The following PSMG4 variants were observed in gnomAD, a reference collection of about 807,000 sequenced individuals.
PSMG4 encodes proteasome (prosome, macropain) assembly chaperone 4.
Under a neutral mutation model 11.0 loss-of-function variants are expected in PSMG4, and 10 were observed. That is an observed-to-expected ratio of 0.91 (90% CI 0.56 to 1.54). The LOEUF is 1.54. Among genes scored for constraint, PSMG4 ranks in the 40% most tolerant of loss-of-function variants. The probability of loss-of-function intolerance (pLI) is 0.00; values close to 1 mark genes in which losing one functional copy is unlikely to be tolerated. For synonymous variants in PSMG4, 95 were observed against 71.3 expected, an observed-to-expected ratio of 1.33 and a Z score of -1.68; for missense variants, 198 against 160.9, an observed-to-expected ratio of 1.23 and a Z score of -1.25.
At chr6:3,254,589 G>A (rs756115680), upstream of PSMG4, among the ~76,000 whole-genome samples, 15 of 152,176 alleles carry the variant, frequency 9.9e-5, no homozygotes, top group Non-Finnish European at 1.6e-4. Context: ...CCCAACGATG[G>A]AAGTAAATAA....
chr6:3,256,721 T>C (rs555135821), upstream of PSMG4, among the ~76,000 whole-genome samples: 5 of 152,372 alleles, frequency 3.3e-5, no homozygotes, highest in South Asian at 1.0e-3. Context: ...CTGGGCACTC[T>C]GGAGCCAAAA....
At chr6:3,263,936 C>A in intron 2 of PSMG4, 177 bp downstream of exon 2, 2 of 1,404,396 alleles carry the variant, frequency 1.4e-6, no homozygotes, top group Non-Finnish European at 9.4e-7. Flanking sequence ...ACATTCCATG[C>A]TCGCCTGTCA....
upstream of PSMG4, among the ~76,000 whole-genome samples, chr6:3,254,871 C>T (rs373227297): frequency 3.3e-5 from 5 of 152,088 alleles, no homozygotes; most frequent in Admixed American, 1.3e-4. Flanking sequence ...ACATGAGATG[C>T]TGGAGGGTGA....
chr6:3,255,009 T>G (rs1031215542), upstream of PSMG4: 6 of 1,543,324 alleles, frequency 3.9e-6, no homozygotes, highest in Non-Finnish European at 4.4e-6. Context: ...CACTCCCATG[T>G]GGGAGCGCTG....
At chr6:3,256,922 C>T (rs532031995), upstream of PSMG4, among the ~76,000 whole-genome samples, 1 of 149,888 alleles carries the variant, frequency 6.7e-6, no homozygotes, top group Non-Finnish European at 1.5e-5. Flanking sequence ...GTGGCACATG[C>T]AGGCTCTTTG....
upstream of PSMG4, among the ~76,000 whole-genome samples, chr6:3,254,596 A>G (rs114585009): frequency 0.011 from 1,688 of 152,232 alleles, 15 homozygotes; most frequent in Non-Finnish European, 0.015. Context: ...ATGGAAGTAA[A>G]TAATTCCAGT....
At chr6:3,256,810 T>C (rs4501466), upstream of PSMG4, among the ~76,000 whole-genome samples, 112,757 of 152,196 alleles carry the variant, frequency 0.74, 43,083 homozygotes, top group Non-Finnish European at 0.84. Flanking sequence ...TCAGTTATTG[T>C]ATGTGGGCTG....
At chr6:3,256,517 A>G (rs1020602122), upstream of PSMG4, among the ~76,000 whole-genome samples, 47 of 152,324 alleles carry the variant, frequency 3.1e-4, no homozygotes, top group African/African-American at 1.1e-3. Flanking sequence ...CATTTGGGGA[A>G]CGGCTGGGGC....
intron 2 of PSMG4, chr6:3,265,108 A>G (rs1758130963): frequency 6.6e-6 from 1 of 152,170 alleles, no homozygotes; most frequent in South Asian, 2.1e-4. Context: ...CCTAGTATCT[A>G]TATGCAAAAA....
upstream of PSMG4, among the ~76,000 whole-genome samples, chr6:3,258,657 G>C (rs944371209): frequency 2.0e-5 from 3 of 152,190 alleles, no homozygotes; most frequent in South Asian, 6.2e-4. Flanking sequence ...AATAATTAGG[G>C]GGTGGGGGGA....
chr6:3,255,489 C>G (rs900428117), upstream of PSMG4, among the ~76,000 whole-genome samples: 1 of 152,156 alleles, frequency 6.6e-6, no homozygotes, highest in Admixed American at 6.5e-5. Flanking sequence ...CCCAAAGGTA[C>G]CTAAACTGCC....
rs954645698 is a variant in PSMG4, at chr6:3,267,791, C to G, written c.*79C>G. On this transcript the variant is annotated 3_prime_UTR_variant, in exon 3 of 3. Transcript: ENST00000438998. ...AATGGATTGAATTTCAGTTTGTCAT[C>G]AGGCCGCGCTCCCGTTTTGTTTTTA... 2 of 1,416,322 alleles carry G rather than the reference C, an allele frequency of 1.4e-6. No homozygotes were observed. The highest frequency in any genetic ancestry group is 9.6e-7 in the Non-Finnish European group (1 of 1,037,576). 87.7% of individuals were successfully genotyped at this position (1,416,322 alleles called of 1,614,324 possible).
chr6:3,256,004 G>A (rs1225856528), upstream of PSMG4, among the ~76,000 whole-genome samples: 2 of 152,238 alleles, frequency 1.3e-5, no homozygotes, highest in Admixed American at 6.5e-5. Context: ...AATGGGGATT[G>A]CTTCTTGGTT....
intron 2 of PSMG4, chr6:3,264,452 T>C: frequency 3.5e-6 from 5 of 1,434,604 alleles, no homozygotes; most frequent in Non-Finnish European, 1.8e-6. Context: ...TGGAGTCTTC[T>C]CTGTGTCTCA....
upstream of PSMG4, among the ~76,000 whole-genome samples, chr6:3,254,874 G>C (rs191597114): frequency 1.3e-5 from 2 of 152,070 alleles, no homozygotes; most frequent in Non-Finnish European, 2.9e-5. Flanking sequence ...TGAGATGCTG[G>C]AGGGTGACTC....
rs965705226 is a variant in PSMG4 at position 3,262,565 on chromosome 6, C to T, written c.175-1119C>T. On this transcript the variant is annotated intron_variant, in intron 1 of 2. Transcript: ENST00000438998. ...CTTTGAACCTTTAGGAGATGAGCAG[C>T]GCCTGTGGTCTCTGCCCTGCCATAC... Among the ~76,000 whole-genome samples the T allele has an allele frequency of 1.3e-4, 19 of 151,736 alleles. No individual in the cohort carries two copies. In the East Asian group the frequency reaches 3.1e-3, roughly 25 times the overall value.
At chr6:3,261,753 G>A (rs1757999167) in intron 1 of PSMG4, among the ~76,000 whole-genome samples, 1 of 152,130 alleles carries the variant, frequency 6.6e-6, no homozygotes. Flanking sequence ...CCGTGGGGCG[G>A]CCCTCCATCT....
Position 3,267,697 on chromosome 6 carries a change from C to T in PSMG4, c.357C>T (p.Phe119=). The T allele has an allele frequency of 6.4e-7, 1 of 1,552,108 alleles. No individual in the cohort carries two copies. The highest frequency in any genetic ancestry group is 1.4e-5 in the African/African-American group (1 of 73,170). ...GGATCAAGGAAGAGATGGAGGCTTT[C>T]CCCGAAAAGTTCTAGCTGAGTGGCA... ...ENRIKEEMEA[F]PEKF Residue 119 remains phenylalanine (F), a synonymous_variant, in exon 3 of 3, where the codon TTC becomes TTT. Coordinates refer to ENST00000438998, the MANE Select transcript of PSMG4 (RefSeq NM_001128591.2).
chr6:3,259,018 G>T lies in PSMG4; in HGVS notation c.-5G>T. On this transcript the variant is annotated 5_prime_UTR_variant, in exon 1 of 3. Coordinates refer to ENST00000438998, the MANE Select transcript of PSMG4 (RefSeq NM_001128591.2). ...GGCGCTGTGGGCCGGGAGCCGTGGG[G>T]CGGCATGGAGGGGCTGGTTGTCGCC... 1.6e-6 allele frequency: 2 copies of T among 1,244,642 alleles called. No homozygotes were observed. 77.1% of individuals were successfully genotyped at this position (1,244,642 alleles called of 1,614,324 possible).
Sources: gnomAD v4.1 joint callset for allele counts (sites outside exome capture counted in the v4.1 genomes callset) on GRCh38, gnomAD v4.1.1 for gene constraint, MANE v1.5 for transcripts, NCBI Gene and HGNC (gene_info 2026-07-23, HGNC 2026-07-21) for gene names.